Variants in CACNA2D2 observed in about 807,000 individuals in gnomAD.
CACNA2D2 encodes voltage-dependent calcium channel subunit alpha-2/delta-2.
A neutral mutation model predicts 166.4 loss-of-function variants in CACNA2D2; 48 were observed. That is an observed-to-expected ratio of 0.29 (90% CI 0.23 to 0.37). The LOEUF (loss-of-function observed/expected upper bound fraction) is 0.37, where lower values mean the gene tolerates loss of function less well. Among genes scored for constraint, CACNA2D2 ranks in the 10% least tolerant of loss-of-function variants. CACNA2D2 has a pLI of 1.00. For synonymous variants in CACNA2D2, 561 were observed against 573.7 expected (o/e 0.98, Z 0.32); for missense variants, 1,122 against 1,433.0 (o/e 0.78, Z 3.50).
At chr3:50,491,690 A>G (rs551611828) in intron 1 of CACNA2D2, among the ~76,000 whole-genome samples, 1 of 152,318 alleles carries the variant, frequency 6.6e-6, no homozygotes, top group African/African-American at 2.4e-5. Context: ...AGCCCCAGAA[A>G]GAGACCCGGA....
At chr3:50,403,545 C>T (rs768690573) in intron 3 of CACNA2D2, among the ~76,000 whole-genome samples, 2 of 152,156 alleles carry the variant, frequency 1.3e-5, no homozygotes, top group Non-Finnish European at 2.9e-5. Flanking sequence ...CCCTGCAACC[C>T]ACCTTCAGAC....
intron 2 of CACNA2D2, among the ~76,000 whole-genome samples, chr3:50,470,780 T>TG (rs1396809586): frequency 6.7e-6 from 1 of 149,574 alleles, no homozygotes; most frequent in African/African-American, 2.5e-5. Flanking sequence ...CAGGCCGGGT[T>TG]GGGGGGGACA....
At chr3:50,489,983 C>T (rs1698457001) in intron 1 of CACNA2D2, among the ~76,000 whole-genome samples, 1 of 152,224 alleles carries the variant, frequency 6.6e-6, no homozygotes, top group African/African-American at 2.4e-5. Context: ...TTGGAGACCC[C>T]AGAGCCCACT....
At chr3:50,495,914 T>TG (rs1181114151) in intron 1 of CACNA2D2, among the ~76,000 whole-genome samples, 5 of 152,246 alleles carry the variant, frequency 3.3e-5, no homozygotes, top group African/African-American at 1.2e-4. Flanking sequence ...CTCCACTGAA[T>TG]GTAAATACCA....
At chr3:50,409,302 C>T (rs549860264) in intron 3 of CACNA2D2, among the ~76,000 whole-genome samples, 1 of 152,282 alleles carries the variant, frequency 6.6e-6, no homozygotes, top group African/African-American at 2.4e-5. Context: ...GGAGTGTGGA[C>T]CCTGGGGGCT....
chr3:50,461,768 A>G (rs989290340), intron 2 of CACNA2D2, among the ~76,000 whole-genome samples: 26 of 149,076 alleles, frequency 1.7e-4, no homozygotes, highest in African/African-American at 4.6e-4. Flanking sequence ...AAAAAAGAAA[A>G]AAAGAAAGAA....
At chr3:50,451,369 G>A (rs1048701516) in intron 2 of CACNA2D2, among the ~76,000 whole-genome samples, 5 of 151,886 alleles carry the variant, frequency 3.3e-5, no homozygotes, top group Admixed American at 1.3e-4. Flanking sequence ...CAGGTGATCT[G>A]CCCACCTCGG....
intron 2 of CACNA2D2, among the ~76,000 whole-genome samples, chr3:50,466,538 AC>A (rs1366168907): frequency 6.6e-6 from 1 of 152,170 alleles, no homozygotes; most frequent in Admixed American, 6.5e-5. Flanking sequence ...CATGTTACTT[AC>A]AGCACTGACG....
intron 2 of CACNA2D2, 69 bp from the exon 3 acceptor site, chr3:50,434,498 C>T: frequency 2.8e-6 from 3 of 1,069,146 alleles, no homozygotes; most frequent in Non-Finnish European, 2.9e-6. Context: ...GCCCTGCATA[C>T]CCCTCTGCAC....
At chr3:50,436,391 G>T (rs553950483) in intron 2 of CACNA2D2, among the ~76,000 whole-genome samples, 1 of 152,324 alleles carries the variant, frequency 6.6e-6, no homozygotes, top group Non-Finnish European at 1.5e-5. Context: ...GGACCATGTG[G>T]TTCTCCTGGG....
intron 2 of CACNA2D2, among the ~76,000 whole-genome samples, chr3:50,440,497 T>C (rs1451306360): frequency 2.0e-5 from 3 of 152,260 alleles, no homozygotes; most frequent in Non-Finnish European, 4.4e-5. Flanking sequence ...CACTGTGATG[T>C]TAGTTGTCCC....
intron 3 of CACNA2D2, among the ~76,000 whole-genome samples, chr3:50,404,966 C>T (rs532682682): frequency 3.3e-5 from 5 of 152,180 alleles, no homozygotes; most frequent in Admixed American, 6.5e-5. Flanking sequence ...AGTGAGACCC[C>T]ACCCCAGCTA....
intron 2 of CACNA2D2, among the ~76,000 whole-genome samples, chr3:50,455,949 C>T (rs743859): frequency 0.097 from 14,739 of 152,166 alleles, 2,089 homozygotes; most frequent in African/African-American, 0.31. Context: ...CCCAGCTATG[C>T]ATTGTCAACT....
At chr3:50,393,650 C>G (rs1395149771) in intron 4 of CACNA2D2, among the ~76,000 whole-genome samples, 3 of 152,220 alleles carry the variant, frequency 2.0e-5, no homozygotes, top group Non-Finnish European at 4.4e-5. Flanking sequence ...TCCCCTGAGC[C>G]CAGCCTGAGG....
intron 23 of CACNA2D2, among the ~76,000 whole-genome samples, chr3:50,369,425 A>G (rs587773802): frequency 6.6e-6 from 1 of 152,276 alleles, no homozygotes; most frequent in African/African-American, 2.4e-5. Context: ...ACACAGAGCC[A>G]CCCCCACATT....
chr3:50,496,079 A>G (rs1327105872), intron 1 of CACNA2D2, among the ~76,000 whole-genome samples: 2 of 152,232 alleles, frequency 1.3e-5, no homozygotes, highest in Admixed American at 1.3e-4. Flanking sequence ...CCTAACAATC[A>G]GGATGCTTTA....
In CACNA2D2 at chr3:50,367,149, G is replaced by C. The variant is rs1449625893; in HGVS notation, c.2402-40C>G. 6.8e-7 allele frequency: 1 copy of C among 1,473,340 alleles called. No individual in the cohort carries two copies. The highest frequency in any genetic ancestry group is 1.4e-5 in the African/African-American group (1 of 72,346). 91.3% of individuals were successfully genotyped at this position (1,473,340 alleles called of 1,614,324 possible). Reference sequence around the variant, plus strand: ...GGGAAGTCAGGAGTGGGGTCTGGCGGCCACACTGACCACTCTATGCTGGGT... The same window carrying C: ...GGGAAGTCAGGAGTGGGGTCTGGCGCCCACACTGACCACTCTATGCTGGGT... On this transcript the variant is annotated intron_variant, in intron 27 of 37. Coordinates refer to ENST00000424201, the MANE Select transcript of CACNA2D2 (RefSeq NM_006030.4). The surrounding 1 kb of genome is among the most constrained non-coding windows in gnomAD (Gnocchi z 6.5).
intron 3 of CACNA2D2, among the ~76,000 whole-genome samples, chr3:50,432,904 G>T (rs190269021): frequency 1.8e-4 from 28 of 152,386 alleles, no homozygotes; most frequent in African/African-American, 6.0e-4. Flanking sequence ...ATATGGCAGG[G>T]TGTAGGCTGG....
chr3:50,367,071 CCA>C lies in CACNA2D2; in HGVS notation c.2438_2439del (p.Val813GlyfsTer33). On this transcript the variant is annotated frameshift_variant, in exon 28 of 38. Transcript: ENST00000424201. LOFTEE classifies it high-confidence loss of function. This position sits in a 1 kb window ranked among gnomAD's most constrained non-coding sequence, Gnocchi z 6.5. The part of the protein sequence containing the change: ...LRPLELENDT[V>X]GILVSTAVEL... Reference sequence around the variant, plus strand: ...TCCACAGCTGTGCTGACGAGGATGCCCACAGTGTCATTCTCCAGCTCCAGCGG... The same window carrying C: ...TCCACAGCTGTGCTGACGAGGATGCCCAGTGTCATTCTCCAGCTCCAGCGG... 6.2e-7 allele frequency: 1 copy of C among 1,613,726 alleles called. No individual in the cohort carries two copies. The highest frequency in any genetic ancestry group is 8.5e-7 in the Non-Finnish European group (1 of 1,180,030).
Sources: gnomAD v4.1 joint callset for allele counts (sites outside exome capture counted in the v4.1 genomes callset) on GRCh38, gnomAD v4.1.1 for gene constraint, Gnocchi (gnomAD v3.1) non-coding constraint, MANE v1.5 for transcripts, NCBI Gene and HGNC (gene_info 2026-07-23, HGNC 2026-07-21) for gene names.